FMN2: variants seen among roughly 807,000 people sequenced by gnomAD.
FMN2 encodes formin 2.
In FMN2, 51 loss-of-function variants were observed where a neutral mutation model predicts 142.3. The ratio of observed to expected loss-of-function variants is 0.36; its 90% CI spans 0.29 to 0.45. The LOEUF is 0.45. FMN2 is among the 20% of genes least tolerant of loss of function. The pLI is 1.00. For missense variants in FMN2, 1,936 were observed against 2,122.8 expected, an observed-to-expected ratio of 0.91 and a Z score of 1.73; for synonymous variants, 882 against 869.8, an observed-to-expected ratio of 1.01 and a Z score of -0.25.
At chr1:240,245,386 G>A (rs1317572382) in intron 6 of FMN2, 2 of 408,124 alleles carry the variant, frequency 4.9e-6, no homozygotes, top group Non-Finnish European at 1.0e-5. Flanking sequence ...CTTGCAGCAG[G>A]GTGGTGGTAG....
In FMN2 at chr1:240,334,005, G is replaced by A. The variant is rs1442838604; in HGVS notation, c.4644+59G>A. The A allele has an allele frequency of 1.0e-5, 16 of 1,572,984 alleles. No homozygotes were observed. In the African/African-American group the frequency reaches 2.0e-4, roughly 20 times the overall value. On this transcript the variant is annotated intron_variant, in intron 12 of 17. Coordinates refer to ENST00000319653, the MANE Select transcript of FMN2 (RefSeq NM_020066.5). ...TATTCTTTATTCGTTGGATGATTTG[G>A]CAGTACTTTTTGTTGTTGTTTTTGT...
At chr1:240,389,360 T>G (rs1378587760) in intron 14 of FMN2, among the ~76,000 whole-genome samples, 1 of 152,198 alleles carries the variant, frequency 6.6e-6, no homozygotes, top group Non-Finnish European at 1.5e-5. Context: ...GAAAATCACC[T>G]TATTTTCTGT....
intron 15 of FMN2, among the ~76,000 whole-genome samples, chr1:240,434,647 C>T (rs779909550): frequency 1.3e-5 from 2 of 151,354 alleles, no homozygotes; most frequent in Non-Finnish European, 2.9e-5. Context: ...CTGCAAGCTC[C>T]GCCTCCCGGG....
At position 240,093,090 on chromosome 1, in the gene FMN2, G is replaced by A; in HGVS notation, c.981G>A (p.Glu327=). The A allele has an allele frequency of 7.2e-7, 1 of 1,396,574 alleles. No homozygotes were observed. The highest frequency in any genetic ancestry group is 9.2e-7 in the Non-Finnish European group (1 of 1,084,842). 86.5% of individuals were successfully genotyped at this position (1,396,574 alleles called of 1,614,324 possible). A position where few individuals can be genotyped will look rare whatever the true frequency, so the allele number is the denominator to read the frequency against. Residue 327 remains glutamate (E), a synonymous_variant, in exon 1 of 18, where the codon GAG becomes GAA. Transcript: ENST00000319653. ...SPSSTAFPFP[E]AGPGEEAAGA... is the part of the protein sequence containing the mutation. ...CCTCCACGGCTTTCCCATTTCCCGA[G>A]GCCGGGCCGGGGGAGGAAGCGGCCG...
chr1:240,254,530 G>A (rs1353225053), intron 6 of FMN2, among the ~76,000 whole-genome samples: 2 of 152,086 alleles, frequency 1.3e-5, no homozygotes, highest in African/African-American at 4.8e-5. Flanking sequence ...GTGGTAAGTA[G>A]GATAGGGGTG....
chr1:240,152,050 C>T (rs1183442745), intron 2 of FMN2, among the ~76,000 whole-genome samples: 5 of 152,090 alleles, frequency 3.3e-5, no homozygotes, highest in South Asian at 2.1e-4. Flanking sequence ...GGATTACAGG[C>T]GTGAACCACC....
intron 2 of FMN2, among the ~76,000 whole-genome samples, chr1:240,164,877 T>C (rs565484128): frequency 3.9e-5 from 6 of 152,312 alleles, no homozygotes; most frequent in African/African-American, 1.4e-4. Context: ...CTATAGATAA[T>C]GCTTCTAAGT....
At chr1:240,127,356 G>A (rs1477512092) in intron 2 of FMN2, among the ~76,000 whole-genome samples, 53 of 151,622 alleles carry the variant, frequency 3.5e-4, no homozygotes, top group Admixed American at 3.5e-3. Flanking sequence ...ACAGGCATGA[G>A]CCACCATACC....
intron 13 of FMN2, among the ~76,000 whole-genome samples, chr1:240,341,050 A>C (rs1351871682): frequency 6.6e-6 from 1 of 151,878 alleles, no homozygotes; most frequent in Non-Finnish European, 1.5e-5. Context: ...ATCACCTTCC[A>C]CCTTTTGCTA....
At chr1:240,130,087 G>A (rs1339933775) in intron 2 of FMN2, among the ~76,000 whole-genome samples, 2 of 152,072 alleles carry the variant, frequency 1.3e-5, no homozygotes, top group African/African-American at 2.4e-5. Context: ...TTACCTCCCA[G>A]CTTCTACCAG....
chr1:240,325,896 G>A (rs913845746), intron 8 of FMN2, among the ~76,000 whole-genome samples: 8 of 152,186 alleles, frequency 5.3e-5, no homozygotes, highest in African/African-American at 1.9e-4. Context: ...TGAGGCGTGA[G>A]CTATGGTGCT....
At chr1:240,264,242 C>T (rs1477348214) in intron 7 of FMN2, among the ~76,000 whole-genome samples, 1 of 152,084 alleles carries the variant, frequency 6.6e-6, no homozygotes, top group East Asian at 1.9e-4. Flanking sequence ...CTGCCATTGT[C>T]CTCCCTCAAA....
chr1:240,214,408 G>A (rs1292371504), intron 6 of FMN2, among the ~76,000 whole-genome samples: 3 of 151,800 alleles, frequency 2.0e-5, no homozygotes, highest in African/African-American at 4.8e-5. Flanking sequence ...AAAATTAGCC[G>A]GGCGTGGCAG....
intron 16 of FMN2, among the ~76,000 whole-genome samples, chr1:240,440,975 T>C (rs893918969): frequency 3.4e-5 from 5 of 149,174 alleles, no homozygotes; most frequent in Non-Finnish European, 5.9e-5. Flanking sequence ...TGCACACCTA[T>C]GCCCTGCTTT....
chr1:240,336,507 C>A (rs1054270537), intron 13 of FMN2, among the ~76,000 whole-genome samples: 2 of 123,246 alleles, frequency 1.6e-5, no homozygotes, highest in Non-Finnish European at 3.2e-5. Context: ...AGTTTCATGA[C>A]CAAATGAATG....
intron 11 of FMN2, among the ~76,000 whole-genome samples, chr1:240,333,475 T>C (rs1671447153): frequency 6.6e-6 from 1 of 152,206 alleles, no homozygotes; most frequent in Admixed American, 6.5e-5. Flanking sequence ...AAACTTACTG[T>C]TGGAGTGGTA....
intron 8 of FMN2, among the ~76,000 whole-genome samples, chr1:240,298,436 T>C (rs1364208104): frequency 1.3e-5 from 2 of 152,192 alleles, no homozygotes; most frequent in Non-Finnish European, 2.9e-5. Flanking sequence ...TTAAGTAGTA[T>C]TTGGAACAGT....
chr1:240,409,831 G>A (rs1674337365), intron 15 of FMN2, among the ~76,000 whole-genome samples: 1 of 152,108 alleles, frequency 6.6e-6, no homozygotes, highest in Non-Finnish European at 1.5e-5. Flanking sequence ...AATATTACAT[G>A]GAATCAGACA....
At chr1:240,462,278 C>T (rs1212260207) in intron 16 of FMN2, among the ~76,000 whole-genome samples, 1 of 152,158 alleles carries the variant, frequency 6.6e-6, no homozygotes, top group African/African-American at 2.4e-5. Flanking sequence ...TGTATCCTTA[C>T]AGTCTCCTAA....
Sources: allele counts gnomAD v4.1 joint callset (sites outside exome capture counted in the v4.1 genomes callset), GRCh38; gene constraint gnomAD v4.1.1; transcripts MANE v1.5; gene names NCBI Gene and HGNC (gene_info 2026-07-23, HGNC 2026-07-21).